The following ZNF83 variants were observed in gnomAD, a reference collection of about 807,000 sequenced individuals.
The protein encoded by ZNF83 is zinc finger protein 816B.
For missense variants in ZNF83, 552 were observed against 629.9 expected (o/e 0.88, Z 1.32); for synonymous variants, 209 against 213.0 (o/e 0.98, Z 0.17).
chr19:52,673,872 C>T (rs1411788195), intron 1 of ZNF83, among the ~76,000 whole-genome samples: 4 of 151,336 alleles, frequency 2.6e-5, no homozygotes, highest in South Asian at 2.1e-4. Context: ...AAAAATTAAC[C>T]GGGCCTGGTG....
chr19:52,632,477 T>C (rs1247530222), intron 2 of ZNF83, among the ~76,000 whole-genome samples: 1 of 152,054 alleles, frequency 6.6e-6, no homozygotes, highest in Non-Finnish European at 1.5e-5. Flanking sequence ...AAAAAACTTG[T>C]CATCCCTACT....
intron 1 of ZNF83, among the ~76,000 whole-genome samples, chr19:52,677,684 G>T (rs1260990350): frequency 2.5e-5 from 3 of 121,020 alleles, no homozygotes; most frequent in Non-Finnish European, 5.0e-5. Context: ...CAGCAATGGG[G>T]GAGACCACAG....
At chr19:52,657,030 T>G (rs1216122866) in intron 2 of ZNF83, among the ~76,000 whole-genome samples, 1 of 151,628 alleles carries the variant, frequency 6.6e-6, no homozygotes, top group Non-Finnish European at 1.5e-5. Context: ...GTGGGAGGAT[T>G]GCTTGAGCCT....
chr19:52,623,203 G>A (rs1018041340), intron 2 of ZNF83, among the ~76,000 whole-genome samples: 14 of 152,148 alleles, frequency 9.2e-5, no homozygotes, highest in Admixed American at 2.0e-4. Context: ...AGATCTGCTC[G>A]GCTTAGCAGC....
rs773621722 is a variant in ZNF83 at position 52,614,204 on chromosome 19, A to G, written c.361T>C (p.Phe121Leu). ...ATCTTGCCACATATATCACATTTAA[A>G]TTGCGTCTCTTTAGTATGGATTATT... The change falls in exon 3 of 3, where the codon TTT becomes CTT. Residue 121 changes from phenylalanine (F) to leucine (L), a missense_variant. Phe to Leu is a conservative substitution (Grantham distance 22, BLOSUM62 0). Coordinates refer to ENST00000301096, the Ensembl canonical transcript of ZNF83. 1.9e-6 allele frequency: 3 copies of G among 1,613,992 alleles called. No individual in the cohort carries two copies. The African/African-American group carries it at 4.0e-5, about 22-fold the overall frequency.
At chr19:52,620,135 A>G (rs1200481500) in intron 2 of ZNF83, among the ~76,000 whole-genome samples, 1 of 152,210 alleles carries the variant, frequency 6.6e-6, no homozygotes, top group Non-Finnish European at 1.5e-5. Context: ...ACGCAGACTC[A>G]CAAAAAACTA....
At chr19:52,613,520 C>T in exon 3 of ZNF83, 2 of 1,614,080 alleles carry the variant, frequency 1.2e-6, no homozygotes. Flanking sequence ...TTGCCACATT[C>T]ATTACATTTG....
At chr19:52,652,036 T>G in intron 3 of ZNF83, 1 of 229,034 alleles carries the variant, frequency 4.4e-6, no homozygotes, top group Non-Finnish European at 8.9e-6. Context: ...TTTTCTACTG[T>G]TCTGCAAGGA....
chr19:52,673,082 G>T (rs1039258127), intron 1 of ZNF83, among the ~76,000 whole-genome samples: 8 of 152,112 alleles, frequency 5.3e-5, no homozygotes, highest in Non-Finnish European at 7.3e-5. Flanking sequence ...CTGGATGTGA[G>T]CCTGTAATCC....
chr19:52,650,644 C>G (rs539858494), intron 3 of ZNF83: 1 of 152,124 alleles, frequency 6.6e-6, no homozygotes, highest in Non-Finnish European at 1.5e-5. Context: ...ATTAGAAGAA[C>G]TTCAAGTTTT....
At chr19:52,660,540 C>T (rs891759600) in intron 2 of ZNF83, among the ~76,000 whole-genome samples, 3 of 151,864 alleles carry the variant, frequency 2.0e-5, no homozygotes, top group African/African-American at 7.3e-5. Flanking sequence ...ATCTCTTGAC[C>T]CTGGGAGGTG....
At chr19:52,660,110 T>C (rs2061559726) in intron 2 of ZNF83, among the ~76,000 whole-genome samples, 1 of 151,770 alleles carries the variant, frequency 6.6e-6, no homozygotes, top group African/African-American at 2.4e-5. Context: ...AGAATTGCGG[T>C]GGTAAGACCA....
intron 1 of ZNF83, among the ~76,000 whole-genome samples, chr19:52,687,216 G>A (rs960885188): frequency 6.8e-6 from 1 of 147,332 alleles, no homozygotes; most frequent in Non-Finnish European, 1.5e-5. Context: ...TAGGCCAGGC[G>A]CAGTGCCTCA....
At chr19:52,676,175 G>T (rs1268822824) in intron 1 of ZNF83, among the ~76,000 whole-genome samples, 1 of 152,200 alleles carries the variant, frequency 6.6e-6, no homozygotes, top group Non-Finnish European at 1.5e-5. Context: ...TGGAGACGGG[G>T]TTTCGCTGTG....
intron 2 of ZNF83, among the ~76,000 whole-genome samples, chr19:52,631,403 GC>G (rs1212207609): frequency 6.6e-6 from 1 of 152,130 alleles, no homozygotes; most frequent in Non-Finnish European, 1.5e-5. Flanking sequence ...TTTTAGGCTG[GC>G]CATGATGTCT....
chr19:52,678,012 G>T (rs1433341813), intron 1 of ZNF83, among the ~76,000 whole-genome samples: 1 of 147,108 alleles, frequency 6.8e-6, no homozygotes, highest in South Asian at 2.1e-4. Context: ...TACAACCTGG[G>T]TGACAGAGTG....
exon 3 of ZNF83, chr19:52,613,941 A>G (rs776397552): frequency 1.9e-6 from 3 of 1,613,386 alleles, no homozygotes; most frequent in East Asian, 4.5e-5. Flanking sequence ...TTCCACATTC[A>G]TTACATTTAT....
chr19:52,661,962 C>T (rs1289084197), intron 1 of ZNF83, among the ~76,000 whole-genome samples: 1 of 152,128 alleles, frequency 6.6e-6, no homozygotes, highest in Non-Finnish European at 1.5e-5. Flanking sequence ...GAGACAGGAG[C>T]AACCTCAGCC....
chr19:52,653,738 GT>G (rs1451439033), intron 3 of ZNF83, among the ~76,000 whole-genome samples: 6 of 152,298 alleles, frequency 3.9e-5, no homozygotes, highest in African/African-American at 1.2e-4. Context: ...CACTTGTAAG[GT>G]TTTTCTCCAG....
Sources: gnomAD v4.1 joint callset for allele counts (sites outside exome capture counted in the v4.1 genomes callset) on GRCh38, gnomAD v4.1.1 for gene constraint, MANE v1.5 for transcripts, NCBI Gene and HGNC (gene_info 2026-07-23, HGNC 2026-07-21) for gene names.